COL22A1: variants seen among roughly 807,000 people sequenced by gnomAD.
COL22A1 encodes collagen type XXII alpha 1 chain.
In COL22A1, 221 loss-of-function variants were observed where a neutral mutation model predicts 248.9. The observed-to-expected ratio is 0.89, with a 90% confidence interval of 0.80 to 0.99. The LOEUF is 0.99. Among genes scored for constraint, COL22A1 ranks in the 50% least tolerant of loss-of-function variants. COL22A1 has a pLI of 0.00. For synonymous variants in COL22A1, 891 were observed against 793.4 expected (o/e 1.12, Z -2.07); for missense variants, 2,240 against 2,179.0 (o/e 1.03, Z -0.56).
chr8:138,710,203 T>A (rs1320016685), intron 30 of COL22A1, among the ~76,000 whole-genome samples: 1 of 152,184 alleles, frequency 6.6e-6, no homozygotes. Context: ...TACGGTGTTA[T>A]TACATTTGGC....
chr8:138,814,400 A>G (rs1432456626), intron 7 of COL22A1, among the ~76,000 whole-genome samples: 2 of 152,082 alleles, frequency 1.3e-5, no homozygotes, highest in African/African-American at 4.8e-5. Context: ...TCATAAGAAG[A>G]CTGGCTGCTG....
chr8:138,634,307 T>G (rs2132019252), intron 49 of COL22A1, among the ~76,000 whole-genome samples: 1 of 152,306 alleles, frequency 6.6e-6, no homozygotes, highest in Admixed American at 6.5e-5. Context: ...TTTCAGTCAT[T>G]CCAGAAATCC....
chr8:138,825,900 C>T (rs1266473597), intron 6 of COL22A1: 1 of 152,168 alleles, frequency 6.6e-6, no homozygotes, highest in Non-Finnish European at 1.5e-5. Context: ...AGTAGTGTTG[C>T]TTTTATCTCA....
chr8:138,793,299 T>G (rs145707917), intron 12 of COL22A1, among the ~76,000 whole-genome samples: 815 of 152,190 alleles, frequency 5.4e-3, no homozygotes, highest in Non-Finnish European at 9.5e-3. Context: ...CGCTATCAAT[T>G]CCCTCGGCCC....
chr8:138,631,397 AG>A (rs1304462096), intron 49 of COL22A1, among the ~76,000 whole-genome samples: 1 of 152,198 alleles, frequency 6.6e-6, no homozygotes, highest in East Asian at 1.9e-4. Flanking sequence ...TGCATTAGCC[AG>A]GCAGTCACCC....
intron 49 of COL22A1, among the ~76,000 whole-genome samples, chr8:138,631,662 C>G (rs1412570760): frequency 1.4e-5 from 2 of 144,132 alleles, no homozygotes; most frequent in East Asian, 2.1e-4. Flanking sequence ...TATGCTGTTT[C>G]TTCCCCCTAC....
At chr8:138,648,186 G>A (rs1822374960) in intron 46 of COL22A1, among the ~76,000 whole-genome samples, 1 of 152,212 alleles carries the variant, frequency 6.6e-6, no homozygotes, top group Admixed American at 6.5e-5. Flanking sequence ...CTTTAGCACT[G>A]GCCCCTGTTC....
intron 4 of COL22A1, among the ~76,000 whole-genome samples, chr8:138,836,610 C>A (rs893577002): frequency 6.6e-6 from 1 of 152,144 alleles, no homozygotes; most frequent in African/African-American, 2.4e-5. Context: ...GGGTGGGTCT[C>A]CCTGACACCA....
chr8:138,716,271 C>A lies in COL22A1; in HGVS notation c.2419G>T (p.Gly807Trp), dbSNP rs750897258. Residue 807 changes from glycine to tryptophan, a missense_variant, in exon 29 of 65, where the codon GGG becomes TGG. By Grantham distance (184) the Gly-to-Trp change is radical (BLOSUM62 -2). Transcript: ENST00000303045. ...PGEKGEAGLP[G>W]APGFPGVRGE... ...CTCACACCTGGGAAGCCTGGAGCCC[C>A]TGGGAGGCCTGCTTCTCCCTGTGAG... 12 of 1,591,904 alleles carry A rather than the reference C, an allele frequency of 7.5e-6. No individual in the cohort carries two copies. In the East Asian group the frequency reaches 2.3e-4, roughly 30 times the overall value.
intron 16 of COL22A1, among the ~76,000 whole-genome samples, chr8:138,772,398 G>A (rs1001152038): frequency 3.9e-5 from 6 of 152,190 alleles, no homozygotes; most frequent in Non-Finnish European, 5.9e-5. Flanking sequence ...ACGGTGAAGA[G>A]GACAGGGGTT....
chr8:138,778,401 G>C lies in COL22A1; in HGVS notation c.1710C>G (p.Pro570=), dbSNP rs935600108. ...GTCCGGGGAGTCCAGGTGGTCCTTG[G>C]GGCCCCTGCAGAAGAGCATTTACAG... The part of the protein sequence containing the change: ...GLPGEVGMRG[P]QGPPGLPGPP... The change falls in exon 15 of 65, where the codon CCC becomes CCG. Residue 570 remains proline (P), a synonymous_variant. Coordinates refer to ENST00000303045, the MANE Select transcript of COL22A1 (RefSeq NM_152888.3). 12 of 1,600,976 alleles carry C rather than the reference G, an allele frequency of 7.5e-6. No homozygotes were observed. Among genetic ancestry groups the C allele is most frequent in the Middle Eastern group, 1.7e-4 (1 of 5,954 alleles).
chr8:138,632,730 T>G (rs1049485823), intron 49 of COL22A1, among the ~76,000 whole-genome samples: 3 of 152,200 alleles, frequency 2.0e-5, no homozygotes, highest in African/African-American at 7.2e-5. Context: ...CAATCAGATT[T>G]GTCTCTATCA....
rs760951376 is a variant in COL22A1 at position 138,878,167 on chromosome 8, G to A, written c.241C>T (p.Arg81Cys). 1.2e-6 allele frequency: 2 copies of A among 1,604,760 alleles called. No individual in the cohort carries two copies. The highest frequency in any genetic ancestry group is 8.5e-7 in the Non-Finnish European group (1 of 1,176,438). The change falls in exon 3 of 65, where the codon CGC (arginine) becomes TGC (cysteine). Residue 81 changes from arginine (R) to cysteine (C), a missense_variant. Physicochemically the swap from Arg to Cys is radical, Grantham distance 180. Transcript: ENST00000303045. ...GCCGTGGTGGGCCGGTCGCTGTAGCGCACGACCCCCACACGGGTGCGGTCG... is the reference window on the plus strand; with the variant it reads ...GCCGTGGTGGGCCGGTCGCTGTAGCACACGACCCCCACACGGGTGCGGTCG... ...GPDRTRVGVV[R>C]YSDRPTTAFE...
intron 39 of COL22A1, among the ~76,000 whole-genome samples, chr8:138,682,918 G>C (rs6982588): frequency 0.96 from 146,710 of 152,204 alleles, 70,797 homozygotes; most frequent in East Asian, 1. Flanking sequence ...CCAGGCTGGT[G>C]TTGAACTCCT....
chr8:138,832,718 A>G (rs1164873178), intron 5 of COL22A1, among the ~76,000 whole-genome samples: 2 of 152,218 alleles, frequency 1.3e-5, no homozygotes, highest in Non-Finnish European at 2.9e-5. Context: ...GGTGCTATGC[A>G]CTACTAAACC....
intron 41 of COL22A1, among the ~76,000 whole-genome samples, chr8:138,671,193 A>C (rs1335700408): frequency 6.6e-6 from 1 of 152,168 alleles, no homozygotes; most frequent in Non-Finnish European, 1.5e-5. Flanking sequence ...ATTAAGAAAA[A>C]GTAAGGTATG....
chr8:138,901,313 G>T (rs533434268), intron 1 of COL22A1, among the ~76,000 whole-genome samples: 2 of 150,730 alleles, frequency 1.3e-5, no homozygotes, highest in African/African-American at 2.4e-5. Flanking sequence ...GCCACCAACA[G>T]CCTCAGACAT....
intron 11 of COL22A1, among the ~76,000 whole-genome samples, chr8:138,798,133 A>G (rs917623723): frequency 6.6e-6 from 1 of 150,754 alleles, no homozygotes; most frequent in African/African-American, 2.4e-5. Flanking sequence ...TTGTACAACA[A>G]ATTTGTTGTT....
At chr8:138,822,242 G>A (rs1221863983) in intron 6 of COL22A1, among the ~76,000 whole-genome samples, 2 of 152,092 alleles carry the variant, frequency 1.3e-5, no homozygotes, top group East Asian at 1.9e-4. Context: ...TAGAGACAAG[G>A]TTTCACCATT....
Sources: allele counts gnomAD v4.1 joint callset (sites outside exome capture counted in the v4.1 genomes callset), GRCh38; gene constraint gnomAD v4.1.1; transcripts MANE v1.5; gene names NCBI Gene and HGNC (gene_info 2026-07-23, HGNC 2026-07-21).